Variants in ADNP observed in about 807,000 individuals in gnomAD.
ADNP encodes activity dependent neuroprotector homeobox.
In ADNP, 4 loss-of-function variants were observed where a neutral mutation model predicts 84.9. That is an observed-to-expected ratio of 0.05 (90% CI 0.02 to 0.11). ADNP has a LOEUF of 0.11. ADNP is among the 10% of genes least tolerant of loss of function. The pLI is 1.00. For missense variants in ADNP, 1,132 were observed against 1,326.0 expected, an observed-to-expected ratio of 0.85 and a Z score of 2.27; for synonymous variants, 554 against 468.1, an observed-to-expected ratio of 1.18 and a Z score of -2.37.
At chr20:50,896,958 G>A (rs1259666656) in intron 5 of ADNP, among the ~76,000 whole-genome samples, 1 of 152,184 alleles carries the variant, frequency 6.6e-6, no homozygotes, top group Non-Finnish European at 1.5e-5. Context: ...TGTTGTTTGA[G>A]ATGCAGTTTT....
chr20:50,921,767 CG>C (rs1371739762), intron 2 of ADNP, among the ~76,000 whole-genome samples: 1 of 152,286 alleles, frequency 6.6e-6, no homozygotes, highest in East Asian at 1.9e-4. Context: ...TCTGGCCCCC[CG>C]ACCCTTCATC....
At chr20:50,908,276 A>G (rs980645410) in intron 2 of ADNP, among the ~76,000 whole-genome samples, 24 of 151,382 alleles carry the variant, frequency 1.6e-4, no homozygotes, top group African/African-American at 5.6e-4. Context: ...TCCCCATCCC[A>G]GAAGGGGCCA....
chr20:50,926,560 T>TGTC (rs773049468), intron 2 of ADNP, among the ~76,000 whole-genome samples: 35 of 152,340 alleles, frequency 2.3e-4, no homozygotes, highest in Middle Eastern at 3.4e-3. Flanking sequence ...TTAGATGTAT[T>TGTC]GTCCCCAAAC....
At position 50,931,158 on chromosome 20, in the gene ADNP, G is replaced by A. The variant is rs1984731070; in HGVS notation, c.-597C>T. On this transcript the variant is annotated 5_prime_UTR_variant, in exon 1 of 6. Coordinates refer to ENST00000621696, the MANE Select transcript of ADNP (RefSeq NM_001282531.3). The stretch of plus-strand genomic sequence containing the variant: ...GCGCTCCTCTCGCTCCTCAGCAGCG[G>A]GGACCGAGAGAGGGAGCTGTGTCTG... 6.6e-6 allele frequency: 1 copy of A among 151,926 alleles called. No individual in the cohort carries two copies. The highest frequency in any genetic ancestry group is 1.8e-4 in the South Asian group (1 of 5,560). 9.4% of individuals were successfully genotyped at this position (151,926 alleles called of 1,614,324 possible).
At chr20:50,911,463 C>T (rs1269483115) in intron 2 of ADNP, among the ~76,000 whole-genome samples, 1 of 151,770 alleles carries the variant, frequency 6.6e-6, no homozygotes, top group African/African-American at 2.4e-5. Context: ...TGTCCTTGTA[C>T]ATTATTTGGG....
intron 2 of ADNP, among the ~76,000 whole-genome samples, chr20:50,924,947 C>T (rs573896246): frequency 3.9e-5 from 6 of 152,172 alleles, no homozygotes; most frequent in Non-Finnish European, 1.5e-5. Context: ...CTCCATCCAA[C>T]GTTGTCTATG....
intron 2 of ADNP, among the ~76,000 whole-genome samples, chr20:50,917,418 G>A (rs1242184397): frequency 2.6e-5 from 4 of 152,174 alleles, no homozygotes; most frequent in Non-Finnish European, 5.9e-5. Context: ...TCACTAGATA[G>A]TCACATTTGA....
intron 2 of ADNP, among the ~76,000 whole-genome samples, chr20:50,906,365 T>G (rs1982478966): frequency 6.6e-6 from 1 of 152,194 alleles, no homozygotes; most frequent in African/African-American, 2.4e-5. Context: ...TACCTAAGAC[T>G]GGGAAGAGAC....
chr20:50,893,904 T>G lies in ADNP; in HGVS notation c.810A>C (p.Leu270=), dbSNP rs1014347006. ...VVVPRSKPLM[L]IAPKPQDKKS... ...TCTTGTCTTGAGGTTTGGGAGCAATTAGCATCAAGGGTTTGGATCGGGGAA... is the reference window on the plus strand; with the variant it reads ...TCTTGTCTTGAGGTTTGGGAGCAATGAGCATCAAGGGTTTGGATCGGGGAA... Residue 270 remains leucine (L), a synonymous_variant, in exon 6 of 6, where the codon CTA becomes CTC. Transcript: ENST00000621696. The surrounding 1 kb of genome is among the most constrained non-coding windows in gnomAD (Gnocchi z 4.4). The G allele has an allele frequency of 1.2e-6, 2 of 1,614,156 alleles. No individual in the cohort carries two copies. Among genetic ancestry groups the G allele is most frequent in the Non-Finnish European group, 1.7e-6 (2 of 1,180,018 alleles).
At position 50,893,418 on chromosome 20, in the gene ADNP, G is replaced by A. The variant is rs1272546639; in HGVS notation, c.1296C>T (p.Ala432=). The A allele has an allele frequency of 2.5e-6, 4 of 1,614,158 alleles. No homozygotes were observed. Among genetic ancestry groups the A allele is most frequent in the South Asian group, 2.2e-5 (2 of 91,082 alleles). ...AAGTGTTACCTGGGGGAGGGCCTGT[G>A]GCAGCTGCAGCAGGTTTGGAACTGG... ...GQSSSKPAAA[A]TGPPPGNTSS... is the part of the protein sequence containing the mutation. Residue 432 remains alanine, a synonymous_variant, in exon 6 of 6, where the codon GCC becomes GCT. Transcript: ENST00000621696. This position sits in a 1 kb window ranked among gnomAD's most constrained non-coding sequence, Gnocchi z 4.4.
chr20:50,903,509 G>A (rs1982187657), intron 4 of ADNP, among the ~76,000 whole-genome samples: 1 of 152,206 alleles, frequency 6.6e-6, no homozygotes, highest in African/African-American at 2.4e-5. Flanking sequence ...GAGTCCCACA[G>A]ACACTGCCAC....
chr20:50,919,289 G>GTATATATA (rs1359779030), intron 2 of ADNP, among the ~76,000 whole-genome samples: 69 of 64,680 alleles, frequency 1.1e-3, no homozygotes, highest in East Asian at 3.8e-3. Context: ...ATATATTTAA[G>GTATATATA]TGTATATATA....
intron 5 of ADNP, among the ~76,000 whole-genome samples, chr20:50,896,266 C>A (rs12479950): frequency 6.6e-6 from 1 of 151,744 alleles, no homozygotes; most frequent in Non-Finnish European, 1.5e-5. Flanking sequence ...ATTGTACAGC[C>A]GTACAAAAAT....
At chr20:50,925,307 G>A (rs867922635) in intron 2 of ADNP, among the ~76,000 whole-genome samples, 1 of 140,442 alleles carries the variant, frequency 7.1e-6, no homozygotes, top group Non-Finnish European at 1.5e-5. Flanking sequence ...AATCAAGTTG[G>A]CTCATATATA....
intron 2 of ADNP, among the ~76,000 whole-genome samples, chr20:50,911,295 C>T (rs938563010): frequency 1.3e-5 from 2 of 152,166 alleles, no homozygotes; most frequent in East Asian, 3.9e-4. Flanking sequence ...AGACCAATGT[C>T]CATGAGAGTT....
Position 50,923,021 on chromosome 20 carries a change from C to CACGT in ADNP, c.-90+5626_-90+5629dup, listed in dbSNP as rs550909175. Among the ~76,000 whole-genome samples the CACGT allele has an allele frequency of 3.3e-4, 50 of 152,124 alleles. No individual in the cohort carries two copies. The East Asian group carries it at 8.9e-3, about 27-fold the overall frequency. On this transcript the variant is annotated intron_variant, in intron 2 of 5. Coordinates refer to ENST00000621696, the MANE Select transcript of ADNP (RefSeq NM_001282531.3). ...TAAAGATCAGAATCTTGCCTTGGGA[C>CACGT]ACGTGTAAGGAGAGCAGGAGAAGAT...
In ADNP at chr20:50,928,829, T is replaced by G. The variant is rs1376491620; in HGVS notation, c.-264-4A>C. 6.6e-6 allele frequency: 1 copy of G among 152,200 alleles called. No homozygotes were observed. Among genetic ancestry groups the G allele is most frequent in the Non-Finnish European group, 1.5e-5 (1 of 68,054 alleles). 9.4% of individuals were successfully genotyped at this position (152,200 alleles called of 1,614,324 possible). ...TTTCGCATTGTGCATCTCACACCTA[T>G]GGAAATAACAAGAGGAGTAAAATCT... On this transcript the variant is annotated splice_region_variant and splice_polypyrimidine_tract_variant and intron_variant, in intron 1 of 5. Transcript: ENST00000621696.
chr20:50,913,859 T>C (rs1568735495), intron 2 of ADNP: 9 of 570,406 alleles, frequency 1.6e-5, no homozygotes, highest in South Asian at 7.0e-5. Context: ...GTGCATTGCA[T>C]TGGGCATGCT....
Position 50,903,998 on chromosome 20 carries a change from G to T in ADNP, c.-2C>A, listed in dbSNP as rs1982233068. ...ATTGTTGACAGGAAGTTGGAACATA[G>T]TTTCTATTGGAAAAAAAAATTTAAG... On this transcript the variant is annotated 5_prime_UTR_variant, in exon 4 of 6. Coordinates refer to ENST00000621696, the MANE Select transcript of ADNP (RefSeq NM_001282531.3). 6.2e-7 allele frequency: 1 copy of T among 1,609,790 alleles called. No homozygotes were observed. The highest frequency in any genetic ancestry group is 1.3e-5 in the African/African-American group (1 of 74,756).
Sources: gnomAD v4.1 joint callset for allele counts (sites outside exome capture counted in the v4.1 genomes callset) on GRCh38, gnomAD v4.1.1 for gene constraint, Gnocchi (gnomAD v3.1) non-coding constraint, MANE v1.5 for transcripts, NCBI Gene and HGNC (gene_info 2026-07-23, HGNC 2026-07-21) for gene names.